Variants in FSTL4 observed in about 807,000 individuals in gnomAD.
The protein encoded by FSTL4 is follistatin-related protein 4.
A neutral mutation model predicts 78.2 loss-of-function variants in FSTL4; 28 were observed. The observed-to-expected ratio is 0.36, with a 90% CI of 0.27 to 0.49. The LOEUF (loss-of-function observed/expected upper bound fraction) is 0.49. Among genes scored for constraint, FSTL4 ranks in the 20% least tolerant of loss-of-function variants. The pLI is 0.98. For synonymous variants in FSTL4, 422 were observed against 440.5 expected, an observed-to-expected ratio of 0.96 and a Z score of 0.53; for missense variants, 922 against 1,084.9, an observed-to-expected ratio of 0.85 and a Z score of 2.11.
rs193295573 is a variant in FSTL4, at chr5:133,592,257, C to T, written c.126+11601G>A. The stretch of plus-strand genomic sequence containing the variant: ...TAAATATGCTTTGTGCTGCATTCGC[C>T]GCTCACCATTGTGCTCACCACATTC... On this transcript the variant is annotated intron_variant, in intron 2 of 15. Transcript: ENST00000265342. Among the ~76,000 whole-genome samples, 49 of 152,302 alleles carry T rather than the reference C, an allele frequency of 3.2e-4. No individual in the cohort carries two copies. In the South Asian group the frequency reaches 6.2e-3, roughly 19 times the overall value.
the FSTL4 span, among the ~76,000 whole-genome samples, chr5:133,664,522 T>C: frequency 6.4e-3 from 972 of 152,276 alleles, 6 homozygotes; most frequent in Non-Finnish European, 8.6e-3. Flanking sequence ...TCCAAATGAA[T>C]GATAGCTCTG....
chr5:133,701,876 T>C, the FSTL4 span, among the ~76,000 whole-genome samples: 1 of 152,146 alleles, frequency 6.6e-6, no homozygotes, highest in Non-Finnish European at 1.5e-5. Flanking sequence ...GGTCCTGTGA[T>C]AGCCCTGCCT....
At chr5:133,525,090 C>A (rs1310251036) in intron 3 of FSTL4, among the ~76,000 whole-genome samples, 2 of 152,196 alleles carry the variant, frequency 1.3e-5, no homozygotes, top group Non-Finnish European at 2.9e-5. Context: ...TTCCGCTGTT[C>A]TGGCAAAACA....
intron 7 of FSTL4, among the ~76,000 whole-genome samples, chr5:133,243,575 C>T (rs1257433152): frequency 6.6e-6 from 1 of 152,208 alleles, no homozygotes. Flanking sequence ...TTATGTCCCA[C>T]AAGCAAGAAA....
chr5:133,751,129 G>C, the FSTL4 span, among the ~76,000 whole-genome samples: 1 of 151,910 alleles, frequency 6.6e-6, no homozygotes, highest in Non-Finnish European at 1.5e-5. Flanking sequence ...CAGCCCTCAG[G>C]GTTCTCCCCT....
intron 4 of FSTL4, among the ~76,000 whole-genome samples, chr5:133,321,506 C>T (rs1325919833): frequency 1.3e-5 from 2 of 152,220 alleles, no homozygotes; most frequent in Admixed American, 6.5e-5. Flanking sequence ...GACCACCCCA[C>T]TCCTCCCTGG....
rs73282056 is a variant in FSTL4 at position 133,329,646 on chromosome 5, C to T, written c.410-12994G>A. 9.3e-3 allele frequency among the ~76,000 whole-genome samples: 1,416 copies of T among 152,148 alleles called. 21 individuals carry two copies. The highest frequency in any genetic ancestry group is 0.031 in the African/African-American group (1,277 of 41,472). On this transcript the variant is annotated intron_variant, in intron 4 of 15. Transcript: ENST00000265342. ...TCACATTTTCTGCCTTCTTTATATTCGCTGGAAGCTGACTAGATTGTGCCC... is the reference window on the plus strand; with the variant it reads ...TCACATTTTCTGCCTTCTTTATATTTGCTGGAAGCTGACTAGATTGTGCCC...
At chr5:133,819,928 A>G in the FSTL4 span, among the ~76,000 whole-genome samples, 1 of 152,182 alleles carries the variant, frequency 6.6e-6, no homozygotes, top group Non-Finnish European at 1.5e-5. Flanking sequence ...CCCATCGGGC[A>G]TTAGTTTCAG....
At chr5:133,639,808 G>T in the FSTL4 span, among the ~76,000 whole-genome samples, 2 of 152,182 alleles carry the variant, frequency 1.3e-5, no homozygotes, top group Non-Finnish European at 2.9e-5. Flanking sequence ...CCAGCTCGGG[G>T]TTGAGCTTGC....
chr5:133,574,415 C>A (rs1007166950), intron 2 of FSTL4, among the ~76,000 whole-genome samples: 2 of 152,230 alleles, frequency 1.3e-5, no homozygotes, highest in Admixed American at 6.5e-5. Context: ...AGAGGCTCCT[C>A]CCCTGGAGAC....
intron 3 of FSTL4, among the ~76,000 whole-genome samples, chr5:133,490,133 G>GT (rs572818952): frequency 0.18 from 26,038 of 144,134 alleles, 2,328 homozygotes; most frequent in Non-Finnish European, 0.21. Context: ...TTGCCTCATT[G>GT]TTTTTTTTTT....
the FSTL4 span, among the ~76,000 whole-genome samples, chr5:133,695,629 T>C: frequency 3.3e-3 from 505 of 152,134 alleles, 6 homozygotes; most frequent in African/African-American, 0.012. Flanking sequence ...AACCCAACAT[T>C]CAAGTCCAGC....
the FSTL4 span, among the ~76,000 whole-genome samples, chr5:133,837,708 A>G: frequency 1.3e-5 from 2 of 152,122 alleles, no homozygotes; most frequent in African/African-American, 4.8e-5. Flanking sequence ...ATCTGGTAGA[A>G]CCACAATTTT....
the FSTL4 span, among the ~76,000 whole-genome samples, chr5:133,655,909 A>G: frequency 2.0e-5 from 3 of 152,198 alleles, no homozygotes; most frequent in Admixed American, 6.5e-5. Context: ...CGTTTTGCAG[A>G]TGAGAAAACC....
intron 6 of FSTL4, among the ~76,000 whole-genome samples, chr5:133,258,825 C>T (rs909126900): frequency 6.6e-6 from 1 of 152,184 alleles, no homozygotes; most frequent in Non-Finnish European, 1.5e-5. Flanking sequence ...TACCAGTTAA[C>T]GTATTTCCAC....
the FSTL4 span, among the ~76,000 whole-genome samples, chr5:133,694,833 C>G: frequency 4.6e-5 from 7 of 152,196 alleles, no homozygotes; most frequent in Non-Finnish European, 1.0e-4. Flanking sequence ...TCTGTGTCCT[C>G]ACATGGCAGA....
At chr5:133,417,025 G>T (rs77671765) in intron 3 of FSTL4, among the ~76,000 whole-genome samples, 2,248 of 152,244 alleles carry the variant, frequency 0.015, 51 homozygotes, top group African/African-American at 0.051. Context: ...CCAAAATTGC[G>T]TACACAGAAT....
intron 3 of FSTL4, among the ~76,000 whole-genome samples, chr5:133,466,455 T>A (rs974343636): frequency 1.0e-3 from 157 of 151,058 alleles, no homozygotes; most frequent in African/African-American, 3.8e-3. Flanking sequence ...GGCAGGAGAA[T>A]GGCGTGAACC....
chr5:133,394,572 G>A (rs1210082665), intron 4 of FSTL4, among the ~76,000 whole-genome samples: 1 of 152,228 alleles, frequency 6.6e-6, no homozygotes, highest in Non-Finnish European at 1.5e-5. Flanking sequence ...TTCTCGCCGG[G>A]CCTCAGCTGC....
Sources: allele counts gnomAD v4.1 joint callset (sites outside exome capture counted in the v4.1 genomes callset), GRCh38; gene constraint gnomAD v4.1.1; transcripts MANE v1.5; gene names NCBI Gene and HGNC (gene_info 2026-07-23, HGNC 2026-07-21).